GSK3B: variants seen among roughly 807,000 people sequenced by gnomAD.
GSK3B encodes glycogen synthase kinase-3 beta.
In GSK3B, 15 loss-of-function variants were observed where a neutral mutation model predicts 56.4. That is an observed-to-expected ratio of 0.27 (90% CI 0.18 to 0.41). The LOEUF (loss-of-function observed/expected upper bound fraction) is 0.41. Among genes scored for constraint, GSK3B ranks in the 10% least tolerant of loss-of-function variants. GSK3B has a pLI of 1.00. For synonymous variants in GSK3B, 181 were observed against 188.9 expected, an observed-to-expected ratio of 0.96 and a Z score of 0.34; for missense variants, 300 against 513.4, an observed-to-expected ratio of 0.58 and a Z score of 4.02.
intron 1 of GSK3B, among the ~76,000 whole-genome samples, chr3:120,053,636 T>A (rs2058169169): frequency 6.6e-6 from 1 of 152,228 alleles, no homozygotes; most frequent in Middle Eastern, 3.2e-3. Flanking sequence ...CCTGAATGGT[T>A]TGGCTGTGTC....
At chr3:120,055,638 A>G (rs2058186032) in intron 1 of GSK3B, among the ~76,000 whole-genome samples, 1 of 152,196 alleles carries the variant, frequency 6.6e-6, no homozygotes, top group Admixed American at 6.5e-5. Context: ...ACCAAAATAG[A>G]GATACAACAT....
intron 2 of GSK3B, among the ~76,000 whole-genome samples, chr3:119,988,675 C>G (rs1394723579): frequency 6.6e-6 from 1 of 152,138 alleles, no homozygotes; most frequent in Non-Finnish European, 1.5e-5. Context: ...TATCTTGGGA[C>G]CTCAAGAGGA....
chr3:120,086,570 G>A (rs2058464762), intron 1 of GSK3B, among the ~76,000 whole-genome samples: 1 of 152,162 alleles, frequency 6.6e-6, no homozygotes, highest in Non-Finnish European at 1.5e-5. Flanking sequence ...GGCTGAGGCA[G>A]GATTGCTTGA....
At chr3:119,987,329 T>C (rs2107461233) in intron 2 of GSK3B, among the ~76,000 whole-genome samples, 1 of 152,256 alleles carries the variant, frequency 6.6e-6, no homozygotes, top group Non-Finnish European at 1.5e-5. Flanking sequence ...AGTATAATAA[T>C]AAAAGTTAAT....
chr3:119,843,927 A>G (rs2055816259), intron 9 of GSK3B, among the ~76,000 whole-genome samples: 2 of 152,160 alleles, frequency 1.3e-5, no homozygotes, highest in Non-Finnish European at 2.9e-5. Context: ...ATTGGAAGTA[A>G]AACAGTCCTC....
chr3:119,962,692 A>G (rs1245939728), intron 2 of GSK3B, among the ~76,000 whole-genome samples: 1 of 152,204 alleles, frequency 6.6e-6, no homozygotes, highest in African/African-American at 2.4e-5. Flanking sequence ...ACACAAAATC[A>G]ACATTTAAAA....
intron 2 of GSK3B, among the ~76,000 whole-genome samples, chr3:119,968,374 C>A (rs1185496347): frequency 2.0e-5 from 3 of 152,174 alleles, no homozygotes; most frequent in Non-Finnish European, 4.4e-5. Context: ...ACTGACCAAT[C>A]TCTTACAAAC....
At chr3:119,847,920 A>C (rs2055878616) in intron 9 of GSK3B, among the ~76,000 whole-genome samples, 1 of 152,228 alleles carries the variant, frequency 6.6e-6, no homozygotes, top group South Asian at 2.1e-4. Context: ...CCAACTGTTT[A>C]TGAGCCAATG....
chr3:119,828,472 T>C (rs1289407822), intron 10 of GSK3B, among the ~76,000 whole-genome samples: 1 of 152,202 alleles, frequency 6.6e-6, no homozygotes, highest in Admixed American at 6.5e-5. Flanking sequence ...GCCATCTCTC[T>C]AGAAGCCACA....
chr3:119,895,370 A>C (rs915509759), intron 7 of GSK3B, among the ~76,000 whole-genome samples: 6 of 152,106 alleles, frequency 3.9e-5, no homozygotes, highest in African/African-American at 1.4e-4. Flanking sequence ...CTTGGCTTTT[A>C]TGAACAGAAC....
chr3:119,889,487 T>C (rs2056477607), intron 7 of GSK3B, among the ~76,000 whole-genome samples: 1 of 152,126 alleles, frequency 6.6e-6, no homozygotes, highest in Non-Finnish European at 1.5e-5. Flanking sequence ...CATTACTACT[T>C]GAAGACTGAC....
chr3:119,858,921 G>A (rs2056060115), intron 9 of GSK3B, among the ~76,000 whole-genome samples: 1 of 121,282 alleles, frequency 8.2e-6, no homozygotes, highest in Non-Finnish European at 1.7e-5. Flanking sequence ...GGAGCAGTTG[G>A]GACACACACA....
intron 4 of GSK3B, among the ~76,000 whole-genome samples, chr3:119,919,148 C>G (rs1009945546): frequency 6.6e-6 from 1 of 152,140 alleles, no homozygotes; most frequent in Non-Finnish European, 1.5e-5. Context: ...AGCAAAGGTG[C>G]TCAGTTTTTA....
At chr3:119,962,611 T>A (rs930843905) in intron 2 of GSK3B, among the ~76,000 whole-genome samples, 7 of 151,940 alleles carry the variant, frequency 4.6e-5, no homozygotes, top group Non-Finnish European at 8.8e-5. Flanking sequence ...TGTTTGCATA[T>A]GAAATAGGTA....
chr3:119,893,873 T>TA (rs200995417), intron 7 of GSK3B, among the ~76,000 whole-genome samples: 4,723 of 137,610 alleles, frequency 0.034, 236 homozygotes, highest in African/African-American at 0.11. Flanking sequence ...ACTTTTGCCT[T>TA]AAAAAAAAAA....
chr3:119,889,106 A>G (rs1227996552), intron 7 of GSK3B, among the ~76,000 whole-genome samples: 2 of 152,068 alleles, frequency 1.3e-5, no homozygotes, highest in African/African-American at 2.4e-5. Context: ...CTTTTGCCCT[A>G]TGAAACATGT....
intron 1 of GSK3B, among the ~76,000 whole-genome samples, chr3:120,065,135 TA>T (rs1219865688): frequency 2.6e-5 from 4 of 152,098 alleles, no homozygotes; most frequent in Admixed American, 1.3e-4. Flanking sequence ...CAACTTCATC[TA>T]AATTTAAAAC....
intron 9 of GSK3B, among the ~76,000 whole-genome samples, chr3:119,847,164 G>T (rs1452082537): frequency 6.6e-6 from 1 of 152,084 alleles, no homozygotes; most frequent in African/African-American, 2.4e-5. Context: ...GGGAGGGATA[G>T]CATTAGGAGA....
chr3:119,887,406 A>G, intron 7 of GSK3B, among the ~76,000 whole-genome samples: 1 of 152,160 alleles, frequency 6.6e-6, no homozygotes, highest in East Asian at 1.9e-4. Context: ...GAATTGGCAC[A>G]TAAGGACTTT....
Sources: allele counts gnomAD v4.1 joint callset (sites outside exome capture counted in the v4.1 genomes callset), GRCh38; gene constraint gnomAD v4.1.1; transcripts MANE v1.5; gene names NCBI Gene and HGNC (gene_info 2026-07-23, HGNC 2026-07-21).